The following ZNF260 variants were observed in gnomAD, a reference collection of about 807,000 sequenced individuals.
The protein encoded by ZNF260 is zinc finger protein 260, also known as zfp-260.
ZNF260 carries 21 observed loss-of-function variants against 29.3 expected under a neutral mutation model. The observed-to-expected ratio is 0.72, with a 90% confidence interval of 0.51 to 1.03. ZNF260 has a LOEUF of 1.03. Ranked by LOEUF, ZNF260 falls within the 50% of genes least tolerant of loss-of-function variation. The pLI is 0.00. For synonymous variants in ZNF260, 156 were observed against 156.8 expected (o/e 0.99, Z 0.04); for missense variants, 465 against 487.8 (o/e 0.95, Z 0.44).
chr19:36,515,802 C>A (rs1248768325), intron 2 of ZNF260, 103 bp from the exon 3 acceptor site: 1 of 152,104 alleles, frequency 6.6e-6, no homozygotes, highest in African/African-American at 2.4e-5. Context: ...TTATCATCAA[C>A]ATAATATCAC....
chr19:36,523,961 CAGG>C (rs992056450), intron 2 of ZNF260, among the ~76,000 whole-genome samples: 1 of 151,908 alleles, frequency 6.6e-6, no homozygotes, highest in Non-Finnish European at 1.5e-5. Flanking sequence ...TGTTAAAAAG[CAGG>C]AGGTGACATA....
At position 36,512,517 on chromosome 19, in the gene ZNF260, T is replaced by G. The variant is rs2034467957; in HGVS notation, c.*1483A>C. The G allele has an allele frequency of 6.6e-6, 1 of 152,174 alleles. No homozygotes were observed. The highest frequency in any genetic ancestry group is 2.1e-4 in the South Asian group (1 of 4,838). The allele number at this position is 152,174 out of a possible 1,614,324, so 9.4% of individuals were successfully genotyped here. On this transcript the variant is annotated 3_prime_UTR_variant, in exon 3 of 3. Transcript: ENST00000523638. Reference sequence around the variant, plus strand: ...GGTAACATTTCCCTTCCACCTCCTTTCTTCCTAGAGGTAACCACTCCACTT... The same window carrying G: ...GGTAACATTTCCCTTCCACCTCCTTGCTTCCTAGAGGTAACCACTCCACTT...
Position 36,525,275 on chromosome 19 carries a change from T to TGTTATG in ZNF260, c.-588_-583dup, listed in dbSNP as rs2034715459. On this transcript the variant is annotated 5_prime_UTR_variant, in exon 2 of 3. Transcript: ENST00000523638. ...GCAGAAAAATGACACTGGACTTGGATGTTATGGTTGGGGAACAAAGCAGCA... is the reference window on the plus strand; with the variant it reads ...GCAGAAAAATGACACTGGACTTGGATGTTATGGTTATGGTTGGGGAACAAAGCAGCA... 2.0e-5 allele frequency: 3 copies of TGTTATG among 152,310 alleles called. No individual in the cohort carries two copies. In the South Asian group the frequency reaches 6.2e-4, roughly 32 times the overall value. 9.4% of individuals were successfully genotyped at this position (152,310 alleles called of 1,614,324 possible).
chr19:36,523,543 T>C (rs1322037757), intron 2 of ZNF260, among the ~76,000 whole-genome samples: 1 of 151,952 alleles, frequency 6.6e-6, no homozygotes, highest in Non-Finnish European at 1.5e-5. Context: ...CTATCAAGTA[T>C]ACATATTAAA....
intron 2 of ZNF260, among the ~76,000 whole-genome samples, chr19:36,524,756 G>A (rs2034707184): frequency 6.6e-6 from 1 of 152,048 alleles, no homozygotes; most frequent in Admixed American, 6.6e-5. Flanking sequence ...ACAGATCTAT[G>A]AAGGACTGAA....
chr19:36,526,092 T>A (rs1464373661), intron 1 of ZNF260, among the ~76,000 whole-genome samples: 1 of 152,208 alleles, frequency 6.6e-6, no homozygotes. Flanking sequence ...GTCAGAGCTC[T>A]AAAAAATTTA....
chr19:36,515,374 G>C lies in ZNF260; in HGVS notation c.-136C>G, dbSNP rs2034532803. On this transcript the variant is annotated 5_prime_UTR_variant, in exon 3 of 3. In the 5' UTR this introduces an upstream ATG that the reference lacks. Transcript: ENST00000523638. ...AGGTATCTAATGAAGTTAAATTTATGATGGAAGACTTTTCTCACATTGATT... is the reference window on the plus strand; with the variant it reads ...AGGTATCTAATGAAGTTAAATTTATCATGGAAGACTTTTCTCACATTGATT... The C allele has an allele frequency of 3.3e-6, 3 of 920,784 alleles. No individual in the cohort carries two copies. The highest frequency in any genetic ancestry group is 4.8e-5 in the South Asian group (2 of 41,862). 57.0% of individuals were successfully genotyped at this position (920,784 alleles called of 1,614,324 possible).
Position 36,514,270 on chromosome 19 carries a change from C to T in ZNF260, c.969G>A (p.Val323=). 1 of 1,614,154 alleles carries T rather than the reference C, an allele frequency of 6.2e-7. No individual in the cohort carries two copies. Among genetic ancestry groups the T allele is most frequent in the Non-Finnish European group, 8.5e-7 (1 of 1,180,010 alleles). The change falls in exon 3 of 3, where the codon GTG becomes GTA. Residue 323 remains valine, a synonymous_variant. Coordinates refer to ENST00000523638, the MANE Select transcript of ZNF260 (RefSeq NM_001166037.2). The stretch of plus-strand genomic sequence containing the variant: ...AAGGCTTATCACCTGTATGAATTCT[C>T]ACATGTACAATAAGTGATGTGATTC... ...FSRITSLIVH[V]RIHTGDKPYE...
chr19:36,526,609 A>G (rs1236684419), intron 1 of ZNF260, among the ~76,000 whole-genome samples: 1 of 152,194 alleles, frequency 6.6e-6, no homozygotes, highest in Non-Finnish European at 1.5e-5. Flanking sequence ...CATATACTTT[A>G]AAATTATCTC....
intron 2 of ZNF260, among the ~76,000 whole-genome samples, chr19:36,519,436 C>T (rs971494524): frequency 1.3e-5 from 2 of 152,240 alleles, no homozygotes; most frequent in East Asian, 1.9e-4. Flanking sequence ...ATGGGTATAA[C>T]ATACTGGGGG....
In ZNF260 at chr19:36,513,948, A is replaced by T; in HGVS notation, c.*52T>A. 1.9e-6 allele frequency: 3 copies of T among 1,553,516 alleles called. No homozygotes were observed. Among genetic ancestry groups the T allele is most frequent in the Non-Finnish European group, 1.7e-6 (2 of 1,146,478 alleles). On this transcript the variant is annotated 3_prime_UTR_variant, in exon 3 of 3. Coordinates refer to ENST00000523638, the MANE Select transcript of ZNF260 (RefSeq NM_001166037.2). ...AAATGAATTTTCCAATACACTATTA[A>T]GTGTAAAATCTGCTGAACGTTTTGC... is the stretch of plus-strand genomic sequence containing the variant.
intron 2 of ZNF260, among the ~76,000 whole-genome samples, chr19:36,520,672 G>A (rs1202550376): frequency 6.6e-6 from 1 of 152,002 alleles, no homozygotes; most frequent in Non-Finnish European, 1.5e-5. Flanking sequence ...CTAACATGGT[G>A]AAACCCCGTC....
chr19:36,520,627 C>A (rs1186577581), intron 2 of ZNF260, among the ~76,000 whole-genome samples: 1 of 151,978 alleles, frequency 6.6e-6, no homozygotes, highest in East Asian at 1.9e-4. Context: ...CCAAGGCAGG[C>A]AGATCACAAG....
At chr19:36,516,575 C>T (rs540494500) in intron 2 of ZNF260, among the ~76,000 whole-genome samples, 22 of 152,248 alleles carry the variant, frequency 1.4e-4, no homozygotes, top group Non-Finnish European at 2.4e-4. Flanking sequence ...GTGCAAGACT[C>T]GGTCTTTTAT....
Position 36,514,877 on chromosome 19 carries a change from G to A in ZNF260, c.362C>T (p.Pro121Leu), listed in dbSNP as rs1247809283. The change falls in exon 3 of 3, where the codon CCA becomes CTA. Residue 121 changes from proline to leucine, a missense_variant. Transcript: ENST00000523638. The part of the protein sequence containing the change: ...YECEKVSIQM[P>L]TIIRHQKNHT... Reference sequence around the variant, plus strand: ...ATTTTTCTGGTGTCTGATGATGGTTGGCATCTGAATAGAAACTTTTTCACA... The same window carrying A: ...ATTTTTCTGGTGTCTGATGATGGTTAGCATCTGAATAGAAACTTTTTCACA... 3.1e-6 allele frequency: 5 copies of A among 1,613,642 alleles called. No individual in the cohort carries two copies. Among genetic ancestry groups the A allele is most frequent in the Non-Finnish European group, 4.2e-6 (5 of 1,179,970 alleles).
intron 2 of ZNF260, among the ~76,000 whole-genome samples, chr19:36,517,583 CA>C (rs1213646739): frequency 2.0e-5 from 3 of 152,064 alleles, no homozygotes; most frequent in Non-Finnish European, 4.4e-5. Context: ...GCAGGGCTTA[CA>C]AAATGACTGT....
intron 2 of ZNF260, among the ~76,000 whole-genome samples, chr19:36,516,824 C>T (rs916824618): frequency 1.3e-5 from 2 of 152,136 alleles, no homozygotes; most frequent in Admixed American, 6.5e-5. Flanking sequence ...GTGATCTGCC[C>T]GCCTTGGCCT....
At chr19:36,517,863 T>C (rs886558156) in intron 2 of ZNF260, among the ~76,000 whole-genome samples, 2 of 151,494 alleles carry the variant, frequency 1.3e-5, no homozygotes, top group African/African-American at 4.9e-5. Context: ...GGACGGAGTC[T>C]CGCTCTGTTG....
intron 1 of ZNF260, among the ~76,000 whole-genome samples, chr19:36,525,902 A>T (rs1217378658): frequency 6.6e-6 from 1 of 152,212 alleles, no homozygotes; most frequent in East Asian, 1.9e-4. Context: ...TGCCAGAGTT[A>T]TCCACAATCA....
Sources: allele counts gnomAD v4.1 joint callset (sites outside exome capture counted in the v4.1 genomes callset), GRCh38; gene constraint gnomAD v4.1.1; transcripts MANE v1.5; gene names NCBI Gene and HGNC (gene_info 2026-07-23, HGNC 2026-07-21).